Variants in FLOT2 observed in about 807,000 individuals in gnomAD.
FLOT2 encodes flotillin-2.
Under a neutral mutation model 54.9 loss-of-function variants are expected in FLOT2, and 35 were observed. That is an observed-to-expected ratio of 0.64 (90% CI 0.49 to 0.84). The LOEUF is 0.84. Among genes scored for constraint, FLOT2 ranks in the 40% least tolerant of loss-of-function variants. FLOT2 has a pLI of 0.00. For missense variants in FLOT2, 464 were observed against 572.1 expected (o/e 0.81, Z 1.93); for synonymous variants, 207 against 228.9 (o/e 0.90, Z 0.86).
intron 2 of FLOT2, chr17:28,886,066 G>GGGGGGGGGGGGT: frequency 1.7e-6 from 1 of 588,928 alleles, no homozygotes; most frequent in Non-Finnish European, 3.2e-6. Context: ...GGCGGGGGGG[G>GGGGGGGGGGGGT]GCATGCTGTC....
chr17:28,892,629 G>C (rs188206783), intron 1 of FLOT2: 3 of 151,802 alleles, frequency 2.0e-5, no homozygotes, highest in African/African-American at 7.3e-5. Flanking sequence ...GGGAGCCACC[G>C]TGCCCGGCCC....
chr17:28,884,294 C>T lies in FLOT2; in HGVS notation c.153G>A (p.Thr51=), dbSNP rs766280109. 1.1e-5 allele frequency: 17 copies of T among 1,611,464 alleles called. No homozygotes were observed. Among genetic ancestry groups the T allele is most frequent in the Admixed American group, 1.7e-5 (1 of 59,744 alleles). The change falls in exon 3 of 11, where the codon ACG becomes ACA. Residue 51 remains threonine, a synonymous_variant. Transcript: ENST00000394908. The surrounding 1 kb of genome is among the most constrained non-coding windows in gnomAD (Gnocchi z 5.1). Reference sequence around the variant, plus strand: ...CTACGTCCTCGCAGCGGGGCTGCAACGTCATAATCTCTAGGGAAATCCTGC... The same window carrying T: ...CTACGTCCTCGCAGCGGGGCTGCAATGTCATAATCTCTAGGGAAATCCTGC... ...DTQRISLEIM[T]LQPRCEDVET...
chr17:28,891,313 C>CA (rs2039648125), intron 1 of FLOT2, among the ~76,000 whole-genome samples: 1 of 152,194 alleles, frequency 6.6e-6, no homozygotes, highest in Admixed American at 6.5e-5. Flanking sequence ...TCTGAGGACT[C>CA]ACGGCAGGGA....
intron 8 of FLOT2, 23 bp downstream of exon 8, chr17:28,881,791 C>T (rs779824235): frequency 2.5e-6 from 4 of 1,609,310 alleles, no homozygotes; most frequent in South Asian, 2.2e-5. Context: ...AAGCCCTGAC[C>T]CCGGCACCTG....
In FLOT2 at chr17:28,879,812, C is replaced by G; in HGVS notation, c.*749G>C. ...AGAGTTGGGACCAAACCGCACCGCC[C>G]CAGCAGGAACATGCCCATGAAGAGG... is the stretch of plus-strand genomic sequence containing the variant. On this transcript the variant is annotated 3_prime_UTR_variant, in exon 11 of 11. Coordinates refer to ENST00000394908, the MANE Select transcript of FLOT2 (RefSeq NM_004475.3). 1 of 986,072 alleles carries G rather than the reference C, an allele frequency of 1.0e-6. No homozygotes were observed. The highest frequency in any genetic ancestry group is 1.2e-6 in the Non-Finnish European group (1 of 830,120). 61.1% of individuals were successfully genotyped at this position (986,072 alleles called of 1,614,324 possible).
Position 28,897,517 on chromosome 17 carries a change from C to T in FLOT2, c.49+9G>A, listed in dbSNP as rs1237812341. ...TCCACAGCTCCCACCTTCCTCGCCG[C>T]CCCCTCACCTGAAACCACCAGCGCC... is the stretch of plus-strand genomic sequence containing the variant. On this transcript the variant is annotated intron_variant, in intron 1 of 10. Coordinates refer to ENST00000394908, the MANE Select transcript of FLOT2 (RefSeq NM_004475.3). This position sits in a 1 kb window ranked among gnomAD's most constrained non-coding sequence, Gnocchi z 4.4. 4.4e-6 allele frequency: 7 copies of T among 1,604,402 alleles called. No individual in the cohort carries two copies. Among genetic ancestry groups the T allele is most frequent in the Non-Finnish European group, 6.0e-6 (7 of 1,175,682 alleles).
Position 28,881,295 on chromosome 17 carries a change from G to A in FLOT2, c.995C>T (p.Ala332Val), listed in dbSNP as rs780587686. 32 of 1,613,920 alleles carry A rather than the reference G, an allele frequency of 2.0e-5. No homozygotes were observed. The highest frequency in any genetic ancestry group is 1.6e-4 in the Middle Eastern group (1 of 6,084). Residue 332 changes from alanine (A) to valine (V), a missense_variant, in exon 9 of 11, where the codon GCG (alanine) becomes GTG (valine). Ala to Val is a moderately conservative substitution (Grantham distance 64). Transcript: ENST00000394908. The stretch of plus-strand genomic sequence containing the variant: ...CCGCTCAGCCTCTGCCTTGCCCATC[G>A]CCTCGATGACTGCCGCTTCCGCCTC... ...IGEAEAAVIE[A>V]MGKAEAERMK... is the part of the protein sequence containing the mutation.
intron 1 of FLOT2, among the ~76,000 whole-genome samples, chr17:28,890,739 A>C (rs1024232873): frequency 6.6e-6 from 1 of 152,100 alleles, no homozygotes; most frequent in African/African-American, 2.4e-5. Flanking sequence ...TTCCTCATCA[A>C]GTTCAAGGAA....
At chr17:28,893,514 C>T (rs1395146342) in intron 1 of FLOT2, among the ~76,000 whole-genome samples, 1 of 151,420 alleles carries the variant, frequency 6.6e-6, no homozygotes, top group Non-Finnish European at 1.5e-5. Flanking sequence ...CGGGCTCAAG[C>T]GATCCTCCAG....
chr17:28,889,084 A>G, intron 1 of FLOT2, 58 bp from the exon 2 acceptor site: 1 of 1,459,382 alleles, frequency 6.9e-7, no homozygotes. Context: ...TCTACCCTCC[A>G]GCCCACTGAT....
rs192190264 is a variant in FLOT2 at position 28,882,782 on chromosome 17, G to T, written c.347-91C>A. The T allele has an allele frequency of 3.5e-6, 3 of 848,130 alleles. No homozygotes were observed. The highest frequency in any genetic ancestry group is 5.9e-6 in the Non-Finnish European group (3 of 509,576). The allele number at this position is 848,130 out of a possible 1,614,324, so 52.5% of individuals were successfully genotyped here. ...TGCATGTAGAGGTAGGGGTGCATGC[G>T]GGGTGCTGCACTCTGAGCTGGGTCT... On this transcript the variant is annotated intron_variant, in intron 4 of 10. Coordinates refer to ENST00000394908, the MANE Select transcript of FLOT2 (RefSeq NM_004475.3). This position sits in a 1 kb window ranked among gnomAD's most constrained non-coding sequence, Gnocchi z 5.6.
At chr17:28,890,390 C>CTTT (rs55640637) in intron 1 of FLOT2, among the ~76,000 whole-genome samples, 9 of 145,136 alleles carry the variant, frequency 6.2e-5, no homozygotes, top group Admixed American at 1.4e-4. Flanking sequence ...CCTGAGATTT[C>CTTT]TTTTTTTTTT....
Position 28,880,514 on chromosome 17 carries a change from G to A in FLOT2, c.*47C>T. ...GTTCTGTGGGATTAAAACGGGTGCTGGAGGGAGGGCCGGGTGGCTGCTGAA... is the reference window on the plus strand; with the variant it reads ...GTTCTGTGGGATTAAAACGGGTGCTAGAGGGAGGGCCGGGTGGCTGCTGAA... On this transcript the variant is annotated 3_prime_UTR_variant, in exon 11 of 11. Coordinates refer to ENST00000394908, the MANE Select transcript of FLOT2 (RefSeq NM_004475.3). 8 of 1,603,684 alleles carry A rather than the reference G, an allele frequency of 5.0e-6. No homozygotes were observed. The highest frequency in any genetic ancestry group is 6.8e-6 in the Non-Finnish European group (8 of 1,174,978).
chr17:28,881,321 C>A lies in FLOT2; in HGVS notation c.969G>T (p.Gly323=). Residue 323 remains glycine (G), a synonymous_variant, in exon 9 of 11, where the codon GGG becomes GGT. Coordinates refer to ENST00000394908, the MANE Select transcript of FLOT2 (RefSeq NM_004475.3). The part of the protein sequence containing the change: ...QAEAEKIRKI[G]EAEAAVIEAM... The stretch of plus-strand genomic sequence containing the variant: ...CCTCGATGACTGCCGCTTCCGCCTC[C>A]CCGATTTTGCGGATCTTCTCAGCCT... The A allele has an allele frequency of 1.2e-6, 2 of 1,613,890 alleles. No individual in the cohort carries two copies. Among genetic ancestry groups the A allele is most frequent in the South Asian group, 2.2e-5 (2 of 91,088 alleles).
rs1446352946 is a variant in FLOT2, at chr17:28,880,598, A to C, written c.1250T>G (p.Ile417Arg). ...ACCAGTGGCCTTCTTGATCAGGGGTATCTGCAAGGATGGGAGATGCCATGA... is the reference window on the plus strand; with the variant it reads ...ACCAGTGGCCTTCTTGATCAGGGGTCTCTGCAAGGATGGGAGATGCCATGA... ...HALTGVDLSK[I>R]PLIKKATGVQ... Residue 417 changes from isoleucine (I) to arginine (R), a missense_variant and splice_region_variant, in exon 11 of 11, where the codon ATA (isoleucine) becomes AGA (arginine). Coordinates refer to ENST00000394908, the MANE Select transcript of FLOT2 (RefSeq NM_004475.3). 1.9e-6 allele frequency: 3 copies of C among 1,613,978 alleles called. No individual in the cohort carries two copies. Among genetic ancestry groups the C allele is most frequent in the Non-Finnish European group, 2.5e-6 (3 of 1,180,018 alleles).
In FLOT2 at chr17:28,883,161, T is replaced by G; in HGVS notation, c.293A>C (p.Asp98Ala). 6.2e-7 allele frequency: 1 copy of G among 1,614,032 alleles called. No homozygotes were observed. The highest frequency in any genetic ancestry group is 1.3e-5 in the African/African-American group (1 of 75,030). Residue 98 changes from aspartate to alanine, a missense_variant, in exon 4 of 11, where the codon GAC (aspartate) becomes GCC (alanine). By Grantham distance (126) the Asp-to-Ala change is moderately radical. Coordinates refer to ENST00000394908, the MANE Select transcript of FLOT2 (RefSeq NM_004475.3). This position sits in a 1 kb window ranked among gnomAD's most constrained non-coding sequence, Gnocchi z 5.0. ...CEQFLGKNVQ[D>A]IKNVVLQTLE... ...GGTCTGCAGGACGACGTTTTTGATG[T>G]CCTGCACATTCTTACCCAGAAACTG...
At position 28,882,698 on chromosome 17, in the gene FLOT2, G is replaced by T. The variant is rs1598089991; in HGVS notation, c.347-7C>A. 1.9e-6 allele frequency: 3 copies of T among 1,594,308 alleles called. No individual in the cohort carries two copies. The East Asian group carries it at 6.7e-5, about 36-fold the overall frequency. ...TGCTCCACTGTCAGGGTCCCTGGGG[G>T]CAGAGGGATCAAGGGCTGGCTCCCC... On this transcript the variant is annotated splice_polypyrimidine_tract_variant and splice_region_variant and intron_variant, in intron 4 of 10. Transcript: ENST00000394908. The surrounding 1 kb of genome is among the most constrained non-coding windows in gnomAD (Gnocchi z 5.6).
intron 1 of FLOT2, among the ~76,000 whole-genome samples, chr17:28,896,404 G>A (rs1456001921): frequency 1.3e-5 from 2 of 152,178 alleles, no homozygotes; most frequent in Non-Finnish European, 2.9e-5. Flanking sequence ...TCTTATGGAG[G>A]AGCAAGTCTG....
In FLOT2 at chr17:28,882,966, T is replaced by G; in HGVS notation, c.346+142A>C. ...TACCCTCTCCTTAACTCAAGTCACC[T>G]GAAGTTTTGAAATTAAATATTTGAG... On this transcript the variant is annotated intron_variant, in intron 4 of 10. Transcript: ENST00000394908. The surrounding 1 kb of genome is among the most constrained non-coding windows in gnomAD (Gnocchi z 5.6). The G allele has an allele frequency of 1.1e-6, 1 of 889,058 alleles. No homozygotes were observed. Among genetic ancestry groups the G allele is most frequent in the Non-Finnish European group, 1.7e-6 (1 of 590,738 alleles). 55.1% of individuals were successfully genotyped at this position (889,058 alleles called of 1,614,324 possible). A position where few individuals can be genotyped will look rare whatever the true frequency, so the allele number is the denominator to read the frequency against.
Sources: allele counts gnomAD v4.1 joint callset (sites outside exome capture counted in the v4.1 genomes callset), GRCh38; gene constraint gnomAD v4.1.1; non-coding constraint Gnocchi (gnomAD v3.1); transcripts MANE v1.5; gene names NCBI Gene and HGNC (gene_info 2026-07-23, HGNC 2026-07-21).